TNIK: variants seen among roughly 807,000 people sequenced by gnomAD.
The protein encoded by TNIK is TRAF2 and NCK interacting kinase.
TNIK carries 49 observed loss-of-function variants against 191.3 expected under a neutral mutation model. That is an observed-to-expected ratio of 0.26 (90% confidence interval 0.20 to 0.32). The LOEUF (loss-of-function observed/expected upper bound fraction) is 0.32. Among genes scored for constraint, TNIK ranks in the 10% least tolerant of loss-of-function variants. The pLI is 1.00. For synonymous variants in TNIK, 594 were observed against 600.9 expected, an observed-to-expected ratio of 0.99 and a Z score of 0.17; for missense variants, 1,155 against 1,702.3, an observed-to-expected ratio of 0.68 and a Z score of 5.66.
intron 1 of TNIK, among the ~76,000 whole-genome samples, chr3:171,370,421 A>C (rs1716329228): frequency 6.6e-6 from 1 of 152,228 alleles, no homozygotes; most frequent in Non-Finnish European, 1.5e-5. Context: ...TAAATATCCA[A>C]AATTACTGCT....
intron 9 of TNIK, among the ~76,000 whole-genome samples, chr3:171,168,832 G>A (rs1339940365): frequency 6.6e-6 from 1 of 152,180 alleles, no homozygotes; most frequent in Admixed American, 6.5e-5. Context: ...TGCATCATGA[G>A]CACACTACCT....
chr3:171,355,808 G>C (rs981139415), intron 2 of TNIK, among the ~76,000 whole-genome samples: 1 of 152,112 alleles, frequency 6.6e-6, no homozygotes, highest in South Asian at 2.1e-4. Context: ...ATTACATCTC[G>C]GTATTGTAGC....
At chr3:171,318,007 T>C (rs1754819309) in intron 2 of TNIK, among the ~76,000 whole-genome samples, 1 of 152,172 alleles carries the variant, frequency 6.6e-6, no homozygotes. Flanking sequence ...TTAGAAAGCA[T>C]CTAATTCTTA....
intron 1 of TNIK, among the ~76,000 whole-genome samples, chr3:171,403,611 CAAAAA>C (rs57982642): frequency 4.0e-5 from 4 of 100,168 alleles, no homozygotes; most frequent in Non-Finnish European, 5.7e-5. Context: ...GACTCCGTAT[CAAAAA>C]AAAAAAAAAA....
At chr3:171,277,746 A>G (rs1749932444) in intron 2 of TNIK, among the ~76,000 whole-genome samples, 1 of 152,246 alleles carries the variant, frequency 6.6e-6, no homozygotes, top group South Asian at 2.1e-4. Flanking sequence ...TAGTTGCAAC[A>G]GAGACCTACA....
intron 1 of TNIK, among the ~76,000 whole-genome samples, chr3:171,421,896 T>C (rs1723852694): frequency 6.6e-6 from 1 of 151,834 alleles, no homozygotes; most frequent in Non-Finnish European, 1.5e-5. Context: ...CAAGCCTGGA[T>C]AATTTTTGTA....
chr3:171,087,824 C>G (rs1245442036), intron 23 of TNIK, among the ~76,000 whole-genome samples: 1 of 152,216 alleles, frequency 6.6e-6, no homozygotes, highest in Non-Finnish European at 1.5e-5. Context: ...CACTTGTAAA[C>G]TCTTTTGTAG....
intron 1 of TNIK, among the ~76,000 whole-genome samples, chr3:171,398,927 G>T (rs774921455): frequency 1.3e-5 from 2 of 152,130 alleles, no homozygotes; most frequent in African/African-American, 4.8e-5. Flanking sequence ...GCCCTCTGCT[G>T]CCTCCTTAGC....
chr3:171,167,378 C>T, intron 9 of TNIK, 108 bp from the exon 10 acceptor site: 1 of 1,352,342 alleles, frequency 7.4e-7, no homozygotes, highest in Non-Finnish European at 1.0e-6. Context: ...GTCCAATTGG[C>T]TGGCATAGGG....
chr3:171,140,320 A>G, intron 13 of TNIK, 79 bp downstream of exon 13: 1 of 1,187,790 alleles, frequency 8.4e-7, no homozygotes, highest in Non-Finnish European at 1.2e-6. Context: ...TTCCTCAGAA[A>G]AGGTGACCCA....
chr3:171,100,788 A>C, intron 22 of TNIK, among the ~76,000 whole-genome samples: 1 of 152,028 alleles, frequency 6.6e-6, no homozygotes, highest in African/African-American at 2.4e-5. Context: ...TACTAAAGAA[A>C]ATGTAGGTAC....
intron 2 of TNIK, among the ~76,000 whole-genome samples, chr3:171,269,140 T>C (rs1748772121): frequency 6.6e-6 from 1 of 152,236 alleles, no homozygotes; most frequent in Non-Finnish European, 1.5e-5. Flanking sequence ...TGGCAGCATG[T>C]TGGCTACTTG....
At chr3:171,442,760 A>C (rs1726980834) in intron 1 of TNIK, among the ~76,000 whole-genome samples, 1 of 152,160 alleles carries the variant, frequency 6.6e-6, no homozygotes, top group Admixed American at 6.5e-5. Context: ...GCTAATTTTC[A>C]GTCACTCAAA....
At chr3:171,415,992 A>AAAAAAAAAAAAAC (rs1723012426) in intron 1 of TNIK, among the ~76,000 whole-genome samples, 1 of 146,700 alleles carries the variant, frequency 6.8e-6, no homozygotes, top group Non-Finnish European at 1.5e-5. Context: ...AAAAAAAAAA[A>AAAAAAAAAAAAAC]AAAAAGAAAG....
In TNIK at chr3:171,336,045, T is replaced by C. The variant is rs892541658; in HGVS notation, c.123+33575A>G. On this transcript the variant is annotated intron_variant, in intron 2 of 32. Transcript: ENST00000436636. ...GATGTTAAGTATCTTTACATATTCA[T>C]ACAGCCCCTTTACAGGCCAATCAGA... Among the ~76,000 whole-genome samples, 11 of 152,290 alleles carry C rather than the reference T, an allele frequency of 7.2e-5. No homozygotes were observed. The East Asian group carries it at 1.9e-3, about 27-fold the overall frequency.
At chr3:171,307,086 T>A (rs1406897626) in intron 2 of TNIK, among the ~76,000 whole-genome samples, 1 of 152,176 alleles carries the variant, frequency 6.6e-6, no homozygotes, top group Non-Finnish European at 1.5e-5. Context: ...GTAGCTAGTC[T>A]AAAAACACTC....
intron 2 of TNIK, among the ~76,000 whole-genome samples, chr3:171,266,245 G>T (rs1748388065): frequency 6.6e-6 from 1 of 152,304 alleles, no homozygotes; most frequent in East Asian, 1.9e-4. Context: ...TGAAACAAAA[G>T]TATTGTAAGC....
chr3:171,207,237 T>G (rs1304537512), intron 4 of TNIK, among the ~76,000 whole-genome samples: 3 of 152,210 alleles, frequency 2.0e-5, no homozygotes, highest in African/African-American at 7.2e-5. Context: ...ATTTCCAATT[T>G]TTTCAGAAAC....
intron 15 of TNIK, among the ~76,000 whole-genome samples, chr3:171,135,219 G>A (rs1160037595): frequency 1.3e-5 from 2 of 152,162 alleles, no homozygotes; most frequent in African/African-American, 4.8e-5. Context: ...ATTACTACTT[G>A]GTCACTTTGA....
Sources: gnomAD v4.1 joint callset for allele counts (sites outside exome capture counted in the v4.1 genomes callset) on GRCh38, gnomAD v4.1.1 for gene constraint, MANE v1.5 for transcripts, NCBI Gene and HGNC (gene_info 2026-07-23, HGNC 2026-07-21) for gene names.